Variants in PRKG1 observed in about 807,000 individuals in gnomAD.
PRKG1 encodes the protein cGMP-dependent protein kinase 1.
PRKG1 carries 35 observed loss-of-function variants against 88.1 expected under a neutral mutation model. That is an observed-to-expected ratio of 0.40 (90% CI 0.30 to 0.53). The LOEUF (loss-of-function observed/expected upper bound fraction) is 0.53. PRKG1 is among the 20% of genes least tolerant of loss of function. PRKG1 has a pLI of 0.59. For synonymous variants in PRKG1, 303 were observed against 292.5 expected (o/e 1.04, Z -0.37); for missense variants, 540 against 839.8 (o/e 0.64, Z 4.41).
chr10:51,805,493 A>C (rs1441916078), intron 4 of PRKG1, among the ~76,000 whole-genome samples: 1 of 152,068 alleles, frequency 6.6e-6, no homozygotes, highest in Non-Finnish European at 1.5e-5. Flanking sequence ...TTTTGAAAAC[A>C]GAGCCATTAT....
intron 3 of PRKG1, among the ~76,000 whole-genome samples, chr10:51,542,010 G>A (rs1338696293): frequency 6.6e-6 from 1 of 151,976 alleles, no homozygotes; most frequent in Non-Finnish European, 1.5e-5. Flanking sequence ...GACACTCCAG[G>A]CTCTTGACCC....
At position 51,092,946 on chromosome 10, in the gene PRKG1, A is replaced by C. The variant is rs1176165481; in HGVS notation, c.311+18045A>C. On this transcript the variant is annotated intron_variant, in intron 1 of 17. Transcript: ENST00000373980. ...AGCAATTAGGAATTCAAAATATTAG[A>C]GATATACCTATGTATACACATAAAC... is the stretch of plus-strand genomic sequence containing the variant. Among the ~76,000 whole-genome samples the C allele has an allele frequency of 3.3e-5, 5 of 152,204 alleles. No individual in the cohort carries two copies. The East Asian group carries it at 9.6e-4, about 29-fold the overall frequency.
chr10:52,295,354 A>C lies in PRKG1; in HGVS notation c.*1454A>C, dbSNP rs1842358351. On this transcript the variant is annotated 3_prime_UTR_variant, in exon 18 of 18. Transcript: ENST00000373980. ...TTTTTTTAAAATAAATTTTAAATAA[A>C]ATAGAATTACTACAATTCTGCAATT... is the stretch of plus-strand genomic sequence containing the variant. 1 of 152,058 alleles carries C rather than the reference A, an allele frequency of 6.6e-6. No individual in the cohort carries two copies. The highest frequency in any genetic ancestry group is 1.9e-4 in the East Asian group (1 of 5,206). The allele number at this position is 152,058 out of a possible 1,614,324, so 9.4% of individuals were successfully genotyped here.
chr10:51,378,101 G>T (rs771356985), intron 2 of PRKG1, among the ~76,000 whole-genome samples: 4 of 152,190 alleles, frequency 2.6e-5, no homozygotes, highest in Non-Finnish European at 5.9e-5. Flanking sequence ...TGGCCTTTGG[G>T]CCAAAGACAT....
intron 5 of PRKG1, among the ~76,000 whole-genome samples, chr10:52,016,044 C>A (rs1036949767): frequency 6.6e-6 from 1 of 152,196 alleles, no homozygotes; most frequent in Admixed American, 6.5e-5. Context: ...GTCTTCTGAG[C>A]CTTCCAAACT....
rs11337704 is a variant in PRKG1 at position 51,880,258 on chromosome 10, T to TAAA, written c.699-27239_699-27237dup. On this transcript the variant is annotated intron_variant, in intron 4 of 17. Coordinates refer to ENST00000373980, the MANE Select transcript of PRKG1 (RefSeq NM_006258.4). ...CCATTGTCCATATGTAGAACTGAGC[T>TAAA]AAAAAAAAAAAAGATTAAATAATGT... Among the ~76,000 whole-genome samples the TAAA allele has an allele frequency of 7.1e-3, 1,056 of 149,278 alleles. 13 individuals are homozygous for TAAA. Among genetic ancestry groups the TAAA allele is most frequent in the African/African-American group, 0.021 (855 of 40,792 alleles).
intron 9 of PRKG1, among the ~76,000 whole-genome samples, chr10:52,167,783 G>C (rs1213600540): frequency 1.3e-5 from 2 of 152,112 alleles, no homozygotes; most frequent in Non-Finnish European, 2.9e-5. Flanking sequence ...CTTCAGTATT[G>C]AAGGCTAAAG....
At chr10:51,622,085 G>C (rs1369171491) in intron 3 of PRKG1, among the ~76,000 whole-genome samples, 2 of 152,134 alleles carry the variant, frequency 1.3e-5, no homozygotes, top group Non-Finnish European at 2.9e-5. Flanking sequence ...ATGTGGCTCT[G>C]CTTCAAAGTG....
chr10:52,188,211 TGTGTATATATATAC>T (rs1839250029), intron 9 of PRKG1, among the ~76,000 whole-genome samples: 3 of 56,628 alleles, frequency 5.3e-5, no homozygotes, highest in African/African-American at 1.8e-4. Context: ...TATATATATA[TGTGTATATATATAC>T]ATATGTATAT....
chr10:51,211,667 C>A (rs1456524760), intron 2 of PRKG1, among the ~76,000 whole-genome samples: 3 of 152,068 alleles, frequency 2.0e-5, no homozygotes, highest in Non-Finnish European at 4.4e-5. Flanking sequence ...TCTTATACAC[C>A]AATAACAGAC....
At chr10:52,258,228 A>G (rs1841352813) in intron 10 of PRKG1, among the ~76,000 whole-genome samples, 1 of 139,162 alleles carries the variant, frequency 7.2e-6, no homozygotes, top group Admixed American at 7.6e-5. Flanking sequence ...TAGAATAATC[A>G]CTATAAATCT....
chr10:51,930,495 C>CTTTTTTTT (rs3029977), intron 5 of PRKG1, among the ~76,000 whole-genome samples: 4 of 104,446 alleles, frequency 3.8e-5, no homozygotes, highest in Non-Finnish European at 5.6e-5. Flanking sequence ...TTTTTTTCCT[C>CTTTTTTTT]TTTTTTTTTT....
chr10:51,851,314 G>A lies in PRKG1; in HGVS notation c.698+46624G>A, dbSNP rs183957624. ...TGGGAGACATTTAGCAATGTCTTGA[G>A]ATATTTTTCGTTATTACAAGTGGAG... On this transcript the variant is annotated intron_variant, in intron 4 of 17. Coordinates refer to ENST00000373980, the MANE Select transcript of PRKG1 (RefSeq NM_006258.4). 5.4e-3 allele frequency among the ~76,000 whole-genome samples: 817 copies of A among 152,266 alleles called. 6 individuals carry two copies. The highest frequency in any genetic ancestry group is 0.019 in the African/African-American group (789 of 41,548).
intron 2 of PRKG1, among the ~76,000 whole-genome samples, chr10:51,267,618 A>G (rs752341700): frequency 1.3e-5 from 2 of 152,210 alleles, no homozygotes; most frequent in Non-Finnish European, 2.9e-5. Context: ...ATGTAGAAGA[A>G]TGAAACTGGT....
intron 2 of PRKG1, among the ~76,000 whole-genome samples, chr10:51,229,100 AGATATCAGT>A (rs1256187501): frequency 6.6e-6 from 1 of 152,184 alleles, no homozygotes. Flanking sequence ...TTATAAGCTC[AGATATCAGT>A]GACATGTTTG....
At chr10:51,042,395 A>G (rs1843435862) in intron 1 of PRKG1, among the ~76,000 whole-genome samples, 1 of 152,010 alleles carries the variant, frequency 6.6e-6, no homozygotes, top group Non-Finnish European at 1.5e-5. Context: ...ATGACCTATT[A>G]TGTACTTTAA....
chr10:51,166,281 T>C (rs1428863741), intron 2 of PRKG1, among the ~76,000 whole-genome samples: 2 of 152,082 alleles, frequency 1.3e-5, no homozygotes, highest in South Asian at 2.1e-4. Flanking sequence ...TATTGACTCA[T>C]CCTTTTGGAA....
At chr10:51,219,666 C>T (rs2132088154) in intron 2 of PRKG1, among the ~76,000 whole-genome samples, 1 of 151,604 alleles carries the variant, frequency 6.6e-6, no homozygotes, top group South Asian at 2.1e-4. Flanking sequence ...GCCAAGATCA[C>T]ACCACTGCAC....
intron 3 of PRKG1, among the ~76,000 whole-genome samples, chr10:51,764,093 A>G (rs1046113479): frequency 3.3e-5 from 5 of 152,228 alleles, no homozygotes; most frequent in African/African-American, 1.2e-4. Context: ...TCAGAGAGGA[A>G]CAAACATTCC....
Sources: allele counts gnomAD v4.1 joint callset (sites outside exome capture counted in the v4.1 genomes callset), GRCh38; gene constraint gnomAD v4.1.1; transcripts MANE v1.5; gene names NCBI Gene and HGNC (gene_info 2026-07-23, HGNC 2026-07-21).